Variants in SORCS3 observed in about 807,000 individuals in gnomAD.
SORCS3 encodes the protein sortilin related VPS10 domain containing receptor 3.
In SORCS3, 57 loss-of-function variants were observed where a neutral mutation model predicts 146.3. The ratio of observed to expected loss-of-function variants is 0.39; its 90% CI spans 0.31 to 0.49. The LOEUF (loss-of-function observed/expected upper bound fraction) is 0.49, where lower values mean the gene tolerates loss of function less well. SORCS3 is among the 20% of genes least tolerant of loss of function. SORCS3 has a pLI of 0.92. For synonymous variants in SORCS3, 653 were observed against 618.5 expected, an observed-to-expected ratio of 1.06 and a Z score of -0.83; for missense variants, 1,341 against 1,575.5, an observed-to-expected ratio of 0.85 and a Z score of 2.52.
At chr10:104,972,291 T>G (rs1357658107) in intron 3 of SORCS3, among the ~76,000 whole-genome samples, 1 of 152,190 alleles carries the variant, frequency 6.6e-6, no homozygotes, top group East Asian at 1.9e-4. Flanking sequence ...CTCAAGATGA[T>G]ACAATATTAA....
intron 5 of SORCS3, among the ~76,000 whole-genome samples, chr10:105,055,875 A>G (rs1354425378): frequency 6.6e-6 from 1 of 152,220 alleles, no homozygotes; most frequent in Non-Finnish European, 1.5e-5. Flanking sequence ...ATAAAATTCA[A>G]AAGTCATCAA....
chr10:105,222,525 C>G (rs117619319), intron 19 of SORCS3, among the ~76,000 whole-genome samples: 2 of 152,194 alleles, frequency 1.3e-5, no homozygotes, highest in South Asian at 2.1e-4. Flanking sequence ...GCTTGGTTAC[C>G]TTTCTGCAAG....
At chr10:105,168,325 T>A (rs890112752) in intron 13 of SORCS3, among the ~76,000 whole-genome samples, 6 of 151,858 alleles carry the variant, frequency 4.0e-5, no homozygotes, top group African/African-American at 9.7e-5. Context: ...TGAGAATAGA[T>A]GATGATGATG....
chr10:104,895,458 G>C (rs960825478), intron 2 of SORCS3, among the ~76,000 whole-genome samples: 4 of 152,180 alleles, frequency 2.6e-5, no homozygotes, highest in Non-Finnish European at 4.4e-5. Context: ...GAGAAAAAAA[G>C]TGTTGTAGAG....
In SORCS3 at chr10:105,105,646, G is replaced by A. The variant is rs2055815927; in HGVS notation, c.1212+131G>A. The A allele has an allele frequency of 5.7e-6, 4 of 706,678 alleles. No homozygotes were observed. The East Asian group carries it at 1.0e-4, about 18-fold the overall frequency. The allele number at this position is 706,678 out of a possible 1,614,324, so 43.8% of individuals were successfully genotyped here. The stretch of plus-strand genomic sequence containing the variant: ...GAGACACTGTCCCTCCTTTGCTTCA[G>A]GGACCCAGTCCTCTGGGGAGAGCCC... On this transcript the variant is annotated intron_variant, in intron 7 of 26. Transcript: ENST00000369701.
intron 5 of SORCS3, among the ~76,000 whole-genome samples, chr10:105,054,570 C>CT (rs367989644): frequency 0.079 from 11,311 of 143,390 alleles, 478 homozygotes; most frequent in African/African-American, 0.12. Context: ...TATAGGATTT[C>CT]TTTTTTTTTT....
chr10:105,238,773 G>T (rs984156719), intron 20 of SORCS3, among the ~76,000 whole-genome samples: 1 of 152,192 alleles, frequency 6.6e-6, no homozygotes, highest in Non-Finnish European at 1.5e-5. Context: ...GCGTATGTTT[G>T]TGTATCTGTA....
chr10:104,994,787 C>A (rs73334027), intron 4 of SORCS3, among the ~76,000 whole-genome samples: 11,360 of 152,226 alleles, frequency 0.075, 472 homozygotes, highest in African/African-American at 0.1. Context: ...ACAGTTTCCT[C>A]TTTTATTGTT....
At chr10:104,856,823 TA>T (rs1046305168) in intron 2 of SORCS3, among the ~76,000 whole-genome samples, 6 of 144,228 alleles carry the variant, frequency 4.2e-5, no homozygotes, top group African/African-American at 1.5e-4. Flanking sequence ...TATAAATATA[TA>T]ATATATATCA....
chr10:105,038,598 A>G (rs2055320282), intron 4 of SORCS3, among the ~76,000 whole-genome samples: 1 of 152,198 alleles, frequency 6.6e-6, no homozygotes, highest in Non-Finnish European at 1.5e-5. Flanking sequence ...TATAATACAT[A>G]TTTATTGTTC....
intron 4 of SORCS3, among the ~76,000 whole-genome samples, chr10:105,010,509 C>G (rs1359344890): frequency 6.6e-6 from 1 of 152,200 alleles, no homozygotes; most frequent in African/African-American, 2.4e-5. Flanking sequence ...CTTTTAGAAG[C>G]TTAGAAGATC....
At chr10:104,871,302 C>T (rs1358694683) in intron 2 of SORCS3, among the ~76,000 whole-genome samples, 1 of 152,154 alleles carries the variant, frequency 6.6e-6, no homozygotes, top group Non-Finnish European at 1.5e-5. Context: ...GATTTAGTTA[C>T]ACAAAGGGAA....
At position 104,977,334 on chromosome 10, in the gene SORCS3, G is replaced by C; in HGVS notation, c.796-1G>C. ...TATATGTCCCTCTATCCTTTCTTTA[G>C]ATTATGCTTCTCAGTGATCCTGAGA... On this transcript the variant is annotated splice_acceptor_variant, in intron 3 of 26. Transcript: ENST00000369701. LOFTEE classifies it high-confidence loss of function. 1 of 1,609,438 alleles carries C rather than the reference G, an allele frequency of 6.2e-7. No individual in the cohort carries two copies. Among genetic ancestry groups the C allele is most frequent in the Non-Finnish European group, 8.5e-7 (1 of 1,178,182 alleles).
chr10:105,174,255 G>A (rs1326543912), intron 13 of SORCS3, among the ~76,000 whole-genome samples: 1 of 152,014 alleles, frequency 6.6e-6, no homozygotes, highest in Non-Finnish European at 1.5e-5. Context: ...CCTGAGTATT[G>A]GCAATCCTAC....
Position 104,758,799 on chromosome 10 carries a change from A to G in SORCS3, c.628-83993A>G, listed in dbSNP as rs118082023. On this transcript the variant is annotated intron_variant, in intron 1 of 26. Coordinates refer to ENST00000369701, the MANE Select transcript of SORCS3 (RefSeq NM_014978.3). ...AGCAGCTTCTCCAGCCCCAGAGTTC[A>G]TTCTTTCTGTGCTCCCTTTTTAGCG... Among the ~76,000 whole-genome samples, 61 of 152,216 alleles carry G rather than the reference A, an allele frequency of 4.0e-4. No homozygotes were observed. In the East Asian group the frequency reaches 0.011, roughly 28 times the overall value.
chr10:104,748,349 G>A (rs1249192098), intron 1 of SORCS3, among the ~76,000 whole-genome samples: 1 of 152,138 alleles, frequency 6.6e-6, no homozygotes, highest in African/African-American at 2.4e-5. Flanking sequence ...GAACCAGCCC[G>A]ATAAAATCAG....
At chr10:105,082,455 A>G (rs1399510084) in intron 5 of SORCS3, among the ~76,000 whole-genome samples, 1 of 152,246 alleles carries the variant, frequency 6.6e-6, no homozygotes, top group South Asian at 2.1e-4. Context: ...ACTGCATTAT[A>G]TGTGTCAGAC....
intron 3 of SORCS3, among the ~76,000 whole-genome samples, chr10:104,930,651 A>G (rs566410723): frequency 2.6e-5 from 4 of 152,338 alleles, no homozygotes; most frequent in African/African-American, 9.6e-5. Flanking sequence ...AAGAGTAAGC[A>G]TCAGTGCCAA....
intron 1 of SORCS3, among the ~76,000 whole-genome samples, chr10:104,796,606 TAC>T (rs1232720790): frequency 6.6e-6 from 1 of 152,238 alleles, no homozygotes; most frequent in East Asian, 1.9e-4. Flanking sequence ...GTTGGAAATA[TAC>T]AGTTTTCTTT....
Sources: allele counts gnomAD v4.1 joint callset (sites outside exome capture counted in the v4.1 genomes callset), GRCh38; gene constraint gnomAD v4.1.1; transcripts MANE v1.5; gene names NCBI Gene and HGNC (gene_info 2026-07-23, HGNC 2026-07-21).